The following FHOD3 variants were observed in gnomAD, a reference collection of about 807,000 sequenced individuals.
FHOD3 encodes the protein FH1/FH2 domain-containing protein 3.
FHOD3 carries 90 observed loss-of-function variants against 173.0 expected under a neutral mutation model. The ratio of observed to expected loss-of-function variants is 0.52; its 90% CI spans 0.44 to 0.62. The LOEUF (loss-of-function observed/expected upper bound fraction) is 0.62, where lower values mean the gene tolerates loss of function less well. FHOD3 is among the 20% of genes least tolerant of loss of function. FHOD3 has a pLI of 0.00. For missense variants in FHOD3, 1,945 were observed against 2,034.7 expected (o/e 0.96, Z 0.85); for synonymous variants, 828 against 823.0 (o/e 1.01, Z -0.10).
chr18:36,488,583 T>C (rs375161981), intron 3 of FHOD3, among the ~76,000 whole-genome samples: 120 of 152,324 alleles, frequency 7.9e-4, no homozygotes, highest in African/African-American at 2.6e-3. Flanking sequence ...AGAAATGTCA[T>C]TGAGGCCTTA....
chr18:36,665,358 C>T (rs1600152340), intron 14 of FHOD3, among the ~76,000 whole-genome samples: 3 of 152,284 alleles, frequency 2.0e-5, no homozygotes, highest in African/African-American at 7.2e-5. Context: ...ACTTCAGTGG[C>T]AGAAGCAGAA....
In FHOD3 at chr18:36,687,273, G is replaced by A. The variant is rs904906181; in HGVS notation, c.2021+95G>A. 7 of 922,632 alleles carry A rather than the reference G, an allele frequency of 7.6e-6. No individual in the cohort carries two copies. In the African/African-American group the frequency reaches 1.2e-4, roughly 16 times the overall value. The allele number at this position is 922,632 out of a possible 1,614,324, so 57.2% of individuals were successfully genotyped here. On this transcript the variant is annotated intron_variant, in intron 16 of 28. Transcript: ENST00000590592. ...AGAGACTGTCGATTAAAATATAACT[G>A]CTTCACCTAAAACCTTACATAGCTG...
chr18:36,549,237 T>A lies in FHOD3; in HGVS notation c.512-27214T>A, dbSNP rs145569504. Among the ~76,000 whole-genome samples the A allele has an allele frequency of 5.1e-3, 773 of 152,322 alleles. 7 individuals are homozygous for A. Among genetic ancestry groups the A allele is most frequent in the African/African-American group, 0.017 (710 of 41,576 alleles). ...CCATCCATCATCTTTGGGTGAATTGTTTGTTCAACTCTTTTTGCCAATTTT... is the reference window on the plus strand; with the variant it reads ...CCATCCATCATCTTTGGGTGAATTGATTGTTCAACTCTTTTTGCCAATTTT... On this transcript the variant is annotated intron_variant, in intron 5 of 28. Coordinates refer to ENST00000590592, the MANE Select transcript of FHOD3 (RefSeq NM_001281740.3).
chr18:36,399,262 C>T (rs994482193), intron 3 of FHOD3, among the ~76,000 whole-genome samples: 4 of 152,112 alleles, frequency 2.6e-5, no homozygotes, highest in African/African-American at 4.8e-5. Flanking sequence ...TTCGTTTGTC[C>T]CAAGGAGGGC....
At chr18:36,428,770 A>C (rs913215482) in intron 3 of FHOD3, among the ~76,000 whole-genome samples, 1 of 152,090 alleles carries the variant, frequency 6.6e-6, no homozygotes, top group East Asian at 1.9e-4. Flanking sequence ...TATTTTTTCC[A>C]ACTTCAGGAT....
At chr18:36,472,683 G>A (rs1048433155) in intron 3 of FHOD3, among the ~76,000 whole-genome samples, 2 of 152,098 alleles carry the variant, frequency 1.3e-5, no homozygotes, top group African/African-American at 2.4e-5. Flanking sequence ...TTTTGGGACC[G>A]GCTTCTTCCA....
chr18:36,335,267 G>A (rs1483935068), intron 1 of FHOD3, among the ~76,000 whole-genome samples: 2 of 151,804 alleles, frequency 1.3e-5, no homozygotes, highest in Non-Finnish European at 1.5e-5. Flanking sequence ...AGGCCGAGGC[G>A]GGCGGATCAC....
chr18:36,475,810 A>G (rs1488720201), intron 3 of FHOD3, among the ~76,000 whole-genome samples: 1 of 151,720 alleles, frequency 6.6e-6, no homozygotes, highest in African/African-American at 2.4e-5. Flanking sequence ...ACATACATAT[A>G]TAATTGTAAT....
At chr18:36,344,681 A>G (rs2045795972) in intron 1 of FHOD3, among the ~76,000 whole-genome samples, 1 of 152,218 alleles carries the variant, frequency 6.6e-6, no homozygotes. Context: ...AATACTAAAC[A>G]TGCAGATTTG....
intron 1 of FHOD3, among the ~76,000 whole-genome samples, chr18:36,314,619 T>C (rs80179728): frequency 0.048 from 7,364 of 152,240 alleles, 568 homozygotes; most frequent in African/African-American, 0.17. Context: ...TGAATGAGTT[T>C]TATCTTCTCT....
chr18:36,593,413 A>T (rs2148334312), intron 6 of FHOD3, among the ~76,000 whole-genome samples: 1 of 152,310 alleles, frequency 6.6e-6, no homozygotes, highest in Middle Eastern at 3.4e-3. Flanking sequence ...CTTGGTAGGT[A>T]TGACAGCAGA....
chr18:36,337,278 T>C (rs2045371270), intron 1 of FHOD3, among the ~76,000 whole-genome samples: 1 of 152,198 alleles, frequency 6.6e-6, no homozygotes, highest in Non-Finnish European at 1.5e-5. Flanking sequence ...CCATTTGTAT[T>C]TTTTGTTATA....
At chr18:36,660,666 T>A (rs531525914) in intron 14 of FHOD3, among the ~76,000 whole-genome samples, 1 of 151,976 alleles carries the variant, frequency 6.6e-6, no homozygotes, top group Admixed American at 6.6e-5. Flanking sequence ...GAAAAGCAAA[T>A]TGGGTGGAGA....
intron 3 of FHOD3, among the ~76,000 whole-genome samples, chr18:36,436,982 C>A (rs1413911223): frequency 1.3e-5 from 2 of 152,178 alleles, no homozygotes; most frequent in Non-Finnish European, 2.9e-5. Flanking sequence ...TTAGCCCCTG[C>A]AAGTAGCTTG....
At chr18:36,476,426 G>A (rs1022083207) in intron 3 of FHOD3, among the ~76,000 whole-genome samples, 5 of 152,186 alleles carry the variant, frequency 3.3e-5, no homozygotes, top group Non-Finnish European at 7.3e-5. Context: ...TGCACCAGGC[G>A]AGCTCCTCAT....
At chr18:36,710,321 T>C (rs1030105407) in intron 18 of FHOD3, 7 of 152,240 alleles carry the variant, frequency 4.6e-5, no homozygotes, top group African/African-American at 1.4e-4. Flanking sequence ...TGGGCCAGCC[T>C]TTCTTAAGCT....
At chr18:36,541,249 C>CAAAAAAAAA (rs770104487) in intron 5 of FHOD3, among the ~76,000 whole-genome samples, 2 of 40,358 alleles carry the variant, frequency 5.0e-5, no homozygotes, top group Non-Finnish European at 1.0e-4. Context: ...GACTCTGTCT[C>CAAAAAAAAA]AAAAAAAAAA....
intron 6 of FHOD3, among the ~76,000 whole-genome samples, chr18:36,590,311 A>T (rs930724710): frequency 6.6e-6 from 1 of 152,110 alleles, no homozygotes; most frequent in African/African-American, 2.4e-5. Context: ...CAAGCTTCCA[A>T]GGGTTTTGAC....
At chr18:36,625,922 A>T (rs2148803209) in intron 10 of FHOD3, among the ~76,000 whole-genome samples, 173 bp downstream of exon 10, 1 of 151,436 alleles carries the variant, frequency 6.6e-6, no homozygotes, top group South Asian at 2.1e-4. Context: ...GATTTCCCAC[A>T]CAGGGTGGCC....
Sources: gnomAD v4.1 joint callset for allele counts (sites outside exome capture counted in the v4.1 genomes callset) on GRCh38, gnomAD v4.1.1 for gene constraint, MANE v1.5 for transcripts, NCBI Gene and HGNC (gene_info 2026-07-23, HGNC 2026-07-21) for gene names.